Variants in RC3H1 observed in about 807,000 individuals in gnomAD.
The protein encoded by RC3H1 is roquin-1.
Under a neutral mutation model 138.2 loss-of-function variants are expected in RC3H1, and 50 were observed. The ratio of observed to expected loss-of-function variants is 0.36; its 90% CI spans 0.29 to 0.46. The LOEUF (loss-of-function observed/expected upper bound fraction) is 0.46, where lower values mean the gene tolerates loss of function less well. Ranked by LOEUF, RC3H1 falls within the 20% of genes least tolerant of loss-of-function variation. The pLI is 1.00. For synonymous variants in RC3H1, 462 were observed against 489.1 expected, an observed-to-expected ratio of 0.94 and a Z score of 0.73; for missense variants, 1,031 against 1,388.1, an observed-to-expected ratio of 0.74 and a Z score of 4.09.
chr1:173,950,090 AC>A (rs1659323449), intron 14 of RC3H1, among the ~76,000 whole-genome samples: 1 of 151,940 alleles, frequency 6.6e-6, no homozygotes, highest in South Asian at 2.1e-4. Context: ...AATCACTTGA[AC>A]CCAGAATGCA....
chr1:174,007,315 G>T (rs559414928), intron 1 of RC3H1, among the ~76,000 whole-genome samples: 11 of 151,932 alleles, frequency 7.2e-5, no homozygotes, highest in African/African-American at 2.7e-4. Context: ...GCGTGAACCC[G>T]GGAGGCGGAG....
intron 2 of RC3H1, among the ~76,000 whole-genome samples, chr1:173,988,368 G>T (rs1332790939): frequency 6.6e-6 from 1 of 152,090 alleles, no homozygotes; most frequent in Non-Finnish European, 1.5e-5. Flanking sequence ...CTTAGCAATG[G>T]TATACATTGA....
At chr1:173,947,702 C>G in intron 14 of RC3H1, 120 bp from the exon 15 acceptor site, 1 of 704,532 alleles carries the variant, frequency 1.4e-6, no homozygotes, top group Non-Finnish European at 2.4e-6. Context: ...AGACTAAAAT[C>G]ATTAGTTACC....
intron 1 of RC3H1, among the ~76,000 whole-genome samples, chr1:174,010,142 TAA>T (rs144636942): frequency 6.7e-6 from 1 of 148,540 alleles, no homozygotes; most frequent in African/African-American, 2.5e-5. Flanking sequence ...TATCTTCCAT[TAA>T]AAAAAAAATC....
chr1:173,981,086 G>A (rs567003895), intron 5 of RC3H1, 77 bp from the exon 6 acceptor site: 2 of 1,252,488 alleles, frequency 1.6e-6, no homozygotes, highest in East Asian at 4.8e-5. Flanking sequence ...AATTTTTAAT[G>A]TAACAAATTT....
chr1:173,994,022 G>GAAAAAA (rs372280833), intron 1 of RC3H1, among the ~76,000 whole-genome samples: 2 of 46,952 alleles, frequency 4.3e-5, no homozygotes, highest in Non-Finnish European at 8.0e-5. Context: ...CTCCATCTCA[G>GAAAAAA]AAAAAAAAAA....
intron 19 of RC3H1, among the ~76,000 whole-genome samples, chr1:173,940,424 T>C (rs1658800243): frequency 6.6e-6 from 1 of 151,948 alleles, no homozygotes; most frequent in Non-Finnish European, 1.5e-5. Flanking sequence ...TGAGCCGAGA[T>C]CGTGCCATTG....
chr1:174,012,580 G>A (rs1048951893), intron 1 of RC3H1, among the ~76,000 whole-genome samples: 4 of 151,808 alleles, frequency 2.6e-5, no homozygotes, highest in Admixed American at 6.6e-5. Context: ...TCAGGAGATC[G>A]AGACCATCCT....
chr1:174,009,673 C>T (rs1171026335), intron 1 of RC3H1, among the ~76,000 whole-genome samples: 1 of 151,992 alleles, frequency 6.6e-6, no homozygotes, highest in African/African-American at 2.4e-5. Flanking sequence ...CCCGTCACTA[C>T]CAAAAACACA....
chr1:173,949,122 ATTT>A (rs1412213094), intron 14 of RC3H1, among the ~76,000 whole-genome samples: 1 of 64,460 alleles, frequency 1.6e-5, no homozygotes, highest in African/African-American at 8.5e-5. Flanking sequence ...AAAACTCTCT[ATTT>A]TTTTGGGGGG....
chr1:173,948,297 A>G (rs867157603), intron 14 of RC3H1, among the ~76,000 whole-genome samples: 1 of 152,072 alleles, frequency 6.6e-6, no homozygotes, highest in Non-Finnish European at 1.5e-5. Context: ...TGAAACAACT[A>G]ATCTGAGTTT....
intron 2 of RC3H1, among the ~76,000 whole-genome samples, chr1:173,991,791 T>TA (rs1198421444): frequency 2.6e-5 from 4 of 152,268 alleles, no homozygotes; most frequent in South Asian, 2.1e-4. Context: ...AAGTCAAACT[T>TA]ACATTCCTAG....
intron 1 of RC3H1, among the ~76,000 whole-genome samples, chr1:174,021,141 T>C (rs1016955205): frequency 6.6e-6 from 1 of 152,216 alleles, no homozygotes; most frequent in African/African-American, 2.4e-5. Context: ...ACCTGTCTCC[T>C]TTCGAAGTGC....
chr1:174,022,241 G>A lies in RC3H1; in HGVS notation c.-296C>T, dbSNP rs1661985960. 7.6e-6 allele frequency: 3 copies of A among 392,170 alleles called. No individual in the cohort carries two copies. The highest frequency in any genetic ancestry group is 8.9e-5 in the Admixed American group (2 of 22,452). 24.3% of individuals were successfully genotyped at this position (392,170 alleles called of 1,614,324 possible). Reference sequence around the variant, plus strand: ...GCCACGGCTGCCGCCGCCACCGCCAGCACCGCCTCCGGCCTCCCACCTGCT... The same window carrying A: ...GCCACGGCTGCCGCCGCCACCGCCAACACCGCCTCCGGCCTCCCACCTGCT... On this transcript the variant is annotated 5_prime_UTR_variant, in exon 1 of 20. Transcript: ENST00000367696. The surrounding 1 kb of genome is among the most constrained non-coding windows in gnomAD (Gnocchi z 4.2).
intron 13 of RC3H1, among the ~76,000 whole-genome samples, chr1:173,958,524 C>G (rs982284406): frequency 6.6e-6 from 1 of 150,658 alleles, no homozygotes; most frequent in South Asian, 2.1e-4. Flanking sequence ...CCAGCCTGGG[C>G]GACAGAGCAA....
At chr1:174,007,697 A>T (rs765582090) in intron 1 of RC3H1, among the ~76,000 whole-genome samples, 2 of 152,088 alleles carry the variant, frequency 1.3e-5, no homozygotes, top group Non-Finnish European at 2.9e-5. Context: ...ACCTCAAGTG[A>T]TCCTCCTACC....
At position 173,981,135 on chromosome 1, in the gene RC3H1, T is replaced by C. The variant is rs555860832; in HGVS notation, c.769-126A>G. On this transcript the variant is annotated intron_variant, in intron 5 of 19. Transcript: ENST00000367696. ...AGATTAAATGAATATACCATTTGCC[T>C]GCAAAATATTTTCTCCTTAACTTGT... 20 of 745,320 alleles carry C rather than the reference T, an allele frequency of 2.7e-5. No individual in the cohort carries two copies. In the African/African-American group the frequency reaches 3.0e-4, roughly 11 times the overall value. 46.2% of individuals were successfully genotyped at this position (745,320 alleles called of 1,614,324 possible).
At chr1:174,021,784 G>A (rs1661966974) in intron 1 of RC3H1, among the ~76,000 whole-genome samples, 1 of 152,204 alleles carries the variant, frequency 6.6e-6, no homozygotes, top group Non-Finnish European at 1.5e-5. Flanking sequence ...AGTACCACAG[G>A]AGCCAGGTAG....
intron 1 of RC3H1, among the ~76,000 whole-genome samples, chr1:173,999,094 T>TAA (rs58202123): frequency 0.29 from 42,599 of 145,248 alleles, 10,872 homozygotes; most frequent in African/African-American, 0.7. Context: ...ACCCCATCTC[T>TAA]AAAAAAAAAA....
Sources: allele counts gnomAD v4.1 joint callset (sites outside exome capture counted in the v4.1 genomes callset), GRCh38; gene constraint gnomAD v4.1.1; non-coding constraint Gnocchi (gnomAD v3.1); transcripts MANE v1.5; gene names NCBI Gene and HGNC (gene_info 2026-07-23, HGNC 2026-07-21).